IL34: variants seen among roughly 807,000 people sequenced by gnomAD.
The protein encoded by IL34 is interleukin 34, also known as interleukin-34.
A neutral mutation model predicts 25.3 loss-of-function variants in IL34; 17 were observed. The observed-to-expected ratio is 0.67, with a 90% CI of 0.46 to 1.01. The LOEUF (loss-of-function observed/expected upper bound fraction) is 1.01, where lower values mean the gene tolerates loss of function less well. Among genes scored for constraint, IL34 ranks in the 50% least tolerant of loss-of-function variants. The pLI, the probability that IL34 is intolerant of heterozygous loss-of-function variation, is 0.00. For missense variants in IL34, 368 were observed against 312.9 expected, an observed-to-expected ratio of 1.18 and a Z score of -1.33; for synonymous variants, 174 against 140.9, an observed-to-expected ratio of 1.23 and a Z score of -1.66.
chr16:70,642,119 C>G (rs1302053889), upstream of IL34, among the ~76,000 whole-genome samples: 2 of 152,110 alleles, frequency 1.3e-5, no homozygotes, highest in African/African-American at 4.8e-5. Context: ...TGGGCTGGAA[C>G]TTTGAGATCA....
intron 1 of IL34, among the ~76,000 whole-genome samples, chr16:70,595,974 G>A (rs2050816520): frequency 6.6e-6 from 1 of 150,812 alleles, no homozygotes; most frequent in Non-Finnish European, 1.5e-5. Context: ...TTGTGCCACT[G>A]CACTCCAGCA....
At chr16:70,604,712 G>A (rs2050972370) in intron 1 of IL34, among the ~76,000 whole-genome samples, 1 of 152,258 alleles carries the variant, frequency 6.6e-6, no homozygotes, top group Admixed American at 6.5e-5. Flanking sequence ...ACAGAAAGGA[G>A]TTAGGCAAAG....
chr16:70,660,080 G>C lies in IL34; in HGVS notation c.622G>C (p.Ala208Pro). Residue 208 changes from alanine (A) to proline (P), a missense_variant, in exon 6 of 6, where the codon GCG becomes CCG. Transcript: ENST00000288098. ...CAGCCCAGAGCCCTCATTGCAGTAT[G>C]CGGCCACCCAGCTGTACCCTCCGCC... ...SCSPEPSLQY[A>P]ATQLYPPPPW... 1 of 1,613,686 alleles carries C rather than the reference G, an allele frequency of 6.2e-7. No homozygotes were observed. Among genetic ancestry groups the C allele is most frequent in the African/African-American group, 1.3e-5 (1 of 75,000 alleles).
At chr16:70,625,884 A>G (rs576276886) in intron 1 of IL34, among the ~76,000 whole-genome samples, 1 of 152,200 alleles carries the variant, frequency 6.6e-6, no homozygotes. Context: ...GAAATTGGTG[A>G]GATGTTTCTT....
chr16:70,647,128 C>T (rs529362966), intron 1 of IL34, among the ~76,000 whole-genome samples, 153 bp downstream of exon 1: 5 of 152,374 alleles, frequency 3.3e-5, no homozygotes, highest in South Asian at 2.1e-4. Context: ...TTCCCACGGC[C>T]GCCGTCTGCC....
In IL34 at chr16:70,659,601, T is replaced by G. The variant is rs112537035; in HGVS notation, c.403-17T>G. ...GCCCCATCTCGCCACCGCTCCTGAC[T>G]GTTTCCTCCTTTCCAGGATGTGGAG... On this transcript the variant is annotated splice_polypyrimidine_tract_variant and intron_variant, in intron 4 of 5. Coordinates refer to ENST00000288098, the MANE Select transcript of IL34 (RefSeq NM_001393494.1). 5.1e-3 allele frequency: 8,114 copies of G among 1,595,806 alleles called. 70 individuals carry two copies. Among genetic ancestry groups the G allele is most frequent in the African/African-American group, 0.033 (2,431 of 74,704 alleles).
At chr16:70,645,035 AAGG>A (rs983597013), upstream of IL34, among the ~76,000 whole-genome samples, 19 of 142,722 alleles carry the variant, frequency 1.3e-4, no homozygotes, top group East Asian at 2.3e-4. Flanking sequence ...AGGAAAAAGG[AAGG>A]AGGACGAGGA....
intron 1 of IL34, among the ~76,000 whole-genome samples, chr16:70,632,101 CA>C (rs71151199): frequency 0.43 from 45,504 of 106,580 alleles, 7,608 homozygotes; most frequent in South Asian, 0.62. Flanking sequence ...GACCCTGTCT[CA>C]AAAAAAAAAA....
intron 1 of IL34, among the ~76,000 whole-genome samples, chr16:70,612,125 C>T (rs1272899258): frequency 6.6e-6 from 1 of 152,236 alleles, no homozygotes; most frequent in African/African-American, 2.4e-5. Flanking sequence ...GAGAGCCAGC[C>T]TCCAACAGGC....
At chr16:70,636,464 G>A (rs2051647089) in intron 1 of IL34, among the ~76,000 whole-genome samples, 1 of 152,068 alleles carries the variant, frequency 6.6e-6, no homozygotes. Flanking sequence ...GCTTGACATA[G>A]ATAGTAACTG....
chr16:70,637,096 G>A (rs1023364479), intron 1 of IL34, among the ~76,000 whole-genome samples: 3 of 151,740 alleles, frequency 2.0e-5, no homozygotes, highest in Non-Finnish European at 2.9e-5. Flanking sequence ...TCCTGACCTC[G>A]TGATCTGCCT....
chr16:70,601,001 G>C (rs962298741), intron 1 of IL34, among the ~76,000 whole-genome samples: 1 of 150,798 alleles, frequency 6.6e-6, no homozygotes, highest in Non-Finnish European at 1.5e-5. Context: ...GGGATGCTAA[G>C]AGACGTGGGA....
chr16:70,649,111 A>AG (rs985431725), intron 1 of IL34, among the ~76,000 whole-genome samples: 14 of 152,114 alleles, frequency 9.2e-5, no homozygotes, highest in Non-Finnish European at 1.9e-4. Context: ...CGAGCCCCCA[A>AG]GGGGGCTTAG....
At position 70,660,125 on chromosome 16, in the gene IL34, C is replaced by T; in HGVS notation, c.667C>T (p.Pro223Ser). The T allele has an allele frequency of 6.2e-7, 1 of 1,612,720 alleles. No individual in the cohort carries two copies. Residue 223 changes from proline (P) to serine (S), a missense_variant, in exon 6 of 6, where the codon CCG becomes TCG. Coordinates refer to ENST00000288098, the MANE Select transcript of IL34 (RefSeq NM_001393494.1). Reference sequence around the variant, plus strand: ...TCCGCCCCCGTGGTCCCCCAGCTCCCCGCCTCACTCCACGGGCTCGGTGAG... The same window carrying T: ...TCCGCCCCCGTGGTCCCCCAGCTCCTCGCCTCACTCCACGGGCTCGGTGAG... Reference protein sequence around the residue: ...YPPPPWSPSSPPHSTGSVRPV... With the variant: ...YPPPPWSPSSSPHSTGSVRPV...
At chr16:70,628,051 C>T (rs1007847762) in intron 1 of IL34, among the ~76,000 whole-genome samples, 1 of 152,228 alleles carries the variant, frequency 6.6e-6, no homozygotes, top group Non-Finnish European at 1.5e-5. Flanking sequence ...ATTTACCTTC[C>T]TTCCAGAAAT....
At chr16:70,581,962 G>A (rs1276546767) in intron 1 of IL34, among the ~76,000 whole-genome samples, 1 of 152,050 alleles carries the variant, frequency 6.6e-6, no homozygotes, top group African/African-American at 2.4e-5. Flanking sequence ...AACTTTTTAG[G>A]GATGTTGGAA....
At position 70,656,957 on chromosome 16, in the gene IL34, C is replaced by T. The variant is rs767053852; in HGVS notation, c.241-3C>T. 73 of 1,602,572 alleles carry T rather than the reference C, an allele frequency of 4.6e-5. No individual in the cohort carries two copies. The Admixed American group carries it at 1.2e-3, about 26-fold the overall frequency. On this transcript the variant is annotated splice_region_variant and splice_polypyrimidine_tract_variant and intron_variant, in intron 3 of 5. Transcript: ENST00000288098. ...AGTTGCAGTGACTTCCCTGTTTCCG[C>T]AGCAGAGGGCCCAGGTGAGCGAGCG...
chr16:70,636,941 G>A (rs1395297502), intron 1 of IL34, among the ~76,000 whole-genome samples: 3 of 151,480 alleles, frequency 2.0e-5, no homozygotes, highest in South Asian at 2.1e-4. Context: ...GTACAGTGGC[G>A]TAATCTCGGC....
At chr16:70,621,177 A>T (rs1264453729) in intron 1 of IL34, among the ~76,000 whole-genome samples, 1 of 152,092 alleles carries the variant, frequency 6.6e-6, no homozygotes, top group Non-Finnish European at 1.5e-5. Flanking sequence ...CTTGCCGCTA[A>T]GGTTGAAGGA....
Sources: allele counts gnomAD v4.1 joint callset (sites outside exome capture counted in the v4.1 genomes callset), GRCh38; gene constraint gnomAD v4.1.1; transcripts MANE v1.5; gene names NCBI Gene and HGNC (gene_info 2026-07-23, HGNC 2026-07-21).